The following ADAM28 variants were observed in gnomAD, a reference collection of about 807,000 sequenced individuals.
ADAM28 encodes the protein disintegrin and metalloproteinase domain-containing protein 28.
A neutral mutation model predicts 101.2 loss-of-function variants in ADAM28; 105 were observed. That is an observed-to-expected ratio of 1.04 (90% CI 0.89 to 1.22). The LOEUF (loss-of-function observed/expected upper bound fraction) is 1.22, where lower values mean the gene tolerates loss of function less well. Ranked by LOEUF, ADAM28 falls within the 50% of genes most tolerant of loss-of-function variation. The pLI, the probability that ADAM28 is intolerant of heterozygous loss-of-function variation, is 0.00. For missense variants in ADAM28, 1,028 were observed against 945.4 expected, an observed-to-expected ratio of 1.09 and a Z score of -1.15; for synonymous variants, 322 against 310.6, an observed-to-expected ratio of 1.04 and a Z score of -0.39.
At chr8:24,350,775 G>A (rs1306496155) in intron 19 of ADAM28, among the ~76,000 whole-genome samples, 1 of 152,098 alleles carries the variant, frequency 6.6e-6, no homozygotes, top group Non-Finnish European at 1.5e-5. Flanking sequence ...AACAAGCTCA[G>A]AGAGATTATT....
At chr8:24,328,358 T>C (rs1812901338) in intron 10 of ADAM28, among the ~76,000 whole-genome samples, 1 of 151,954 alleles carries the variant, frequency 6.6e-6, no homozygotes, top group Admixed American at 6.6e-5. Context: ...GTAAGAATAA[T>C]GTTCTTTCCA....
intron 8 of ADAM28, among the ~76,000 whole-genome samples, chr8:24,321,751 C>G (rs1811911256): frequency 6.6e-6 from 1 of 151,976 alleles, no homozygotes; most frequent in African/African-American, 2.4e-5. Flanking sequence ...AAACAAAGAA[C>G]TTACCCAAGA....
Position 24,354,627 on chromosome 8 carries a change from C to A in ADAM28, c.*223C>A. On this transcript the variant is annotated 3_prime_UTR_variant, in exon 23 of 23. Coordinates refer to ENST00000265769, the MANE Select transcript of ADAM28 (RefSeq NM_014265.6). Reference sequence around the variant, plus strand: ...GAATTTAAAATTTCAATTATCCATTCTTATAAGAAGGAAGATGATTGTAAA... The same window carrying A: ...GAATTTAAAATTTCAATTATCCATTATTATAAGAAGGAAGATGATTGTAAA... The A allele has an allele frequency of 2.4e-6, 1 of 411,726 alleles. No individual in the cohort carries two copies. The highest frequency in any genetic ancestry group is 4.4e-6 in the Non-Finnish European group (1 of 227,982). 25.5% of individuals were successfully genotyped at this position (411,726 alleles called of 1,614,324 possible). A position where few individuals can be genotyped will look rare whatever the true frequency, so the allele number is the denominator to read the frequency against.
chr8:24,351,900 C>A, intron 20 of ADAM28, 87 bp from the exon 21 acceptor site: 2 of 1,345,596 alleles, frequency 1.5e-6, no homozygotes, highest in Non-Finnish European at 2.1e-6. Flanking sequence ...AGCTTCCATG[C>A]CTTGAAAAGT....
chr8:24,347,717 G>A (rs1431616884), intron 18 of ADAM28, among the ~76,000 whole-genome samples: 2 of 151,950 alleles, frequency 1.3e-5, no homozygotes, highest in African/African-American at 4.8e-5. Context: ...CAAGTTTAGA[G>A]TGTTGCTTCT....
rs577677664 is a variant in ADAM28 at position 24,351,090 on chromosome 8, T to G, written c.2100-142T>G. 1.2e-4 allele frequency: 68 copies of G among 556,344 alleles called. 1 individual carries two copies. The East Asian group carries it at 2.2e-3, about 18-fold the overall frequency. 34.5% of individuals were successfully genotyped at this position (556,344 alleles called of 1,614,324 possible). Reference sequence around the variant, plus strand: ...AAGAGGCTGACGGGGAAGTAAAAACTGACCCAGGGAGCAGATAAAAACCCA... The same window carrying G: ...AAGAGGCTGACGGGGAAGTAAAAACGGACCCAGGGAGCAGATAAAAACCCA... On this transcript the variant is annotated intron_variant, in intron 19 of 22. Coordinates refer to ENST00000265769, the MANE Select transcript of ADAM28 (RefSeq NM_014265.6).
rs1815862693 is a variant in ADAM28, at chr8:24,349,898, G to A, written c.2025G>A (p.Met675Ile). ...TTGTGGTTGGGGTGCTGTTCCCAAT[G>A]GCGGTCATTTTTGTGGTGGTTGCTA... The part of the protein sequence containing the change: ...FSIVVGVLFP[M>I]AVIFVVVAMV... Residue 675 changes from methionine (M) to isoleucine (I), a missense_variant, in exon 19 of 23, where the codon ATG (methionine) becomes ATA (isoleucine). Met to Ile is a conservative substitution (Grantham distance 10, BLOSUM62 1). Transcript: ENST00000265769. The A allele has an allele frequency of 1.2e-6, 2 of 1,613,566 alleles. No individual in the cohort carries two copies. Among genetic ancestry groups the A allele is most frequent in the East Asian group, 2.2e-5 (1 of 44,830 alleles).
chr8:24,353,956 G>A (rs1816480202), intron 22 of ADAM28, 124 bp downstream of exon 22: 4 of 590,066 alleles, frequency 6.8e-6, no homozygotes, highest in Non-Finnish European at 1.2e-5. Flanking sequence ...TTTGGAGATG[G>A]GTGCCAACAT....
At chr8:24,312,065 G>GCT (rs1810533912) in intron 5 of ADAM28, among the ~76,000 whole-genome samples, 1 of 151,974 alleles carries the variant, frequency 6.6e-6, no homozygotes, top group East Asian at 1.9e-4. Flanking sequence ...GCTCTCACTC[G>GCT]CTCTCTCTCT....
intron 18 of ADAM28, among the ~76,000 whole-genome samples, chr8:24,347,761 G>T (rs907754411): frequency 6.6e-6 from 1 of 151,978 alleles, no homozygotes. Flanking sequence ...ATGATGAAAT[G>T]GTGCTGTGTC....
intron 10 of ADAM28, among the ~76,000 whole-genome samples, chr8:24,328,707 C>A (rs917329294): frequency 1.3e-5 from 2 of 152,034 alleles, no homozygotes; most frequent in African/African-American, 2.4e-5. Flanking sequence ...GCAGGTGGAT[C>A]ACCTGAGGTC....
intron 5 of ADAM28, 87 bp downstream of exon 5, chr8:24,311,524 T>A: frequency 9.9e-7 from 1 of 1,006,942 alleles, no homozygotes; most frequent in Non-Finnish European, 1.5e-6. Flanking sequence ...CAAATATCAT[T>A]AATTTTTATA....
At chr8:24,335,937 A>G in intron 14 of ADAM28, 1 of 1,108,058 alleles carries the variant, frequency 9.0e-7, no homozygotes, top group South Asian at 4.3e-5. Flanking sequence ...CTCATACTAA[A>G]ATTATTTGTG....
At chr8:24,333,812 G>A (rs1813672750) in intron 13 of ADAM28, among the ~76,000 whole-genome samples, 1 of 152,120 alleles carries the variant, frequency 6.6e-6, no homozygotes, top group South Asian at 2.1e-4. Flanking sequence ...TGTCCTTCAA[G>A]TTTAGTATTT....
Position 24,349,862 on chromosome 8 carries a change from A to C in ADAM28, c.1991-2A>C. The C allele has an allele frequency of 6.2e-7, 1 of 1,613,454 alleles. No individual in the cohort carries two copies. Among genetic ancestry groups the C allele is most frequent in the Non-Finnish European group, 8.5e-7 (1 of 1,179,592 alleles). ...TCAGCGGGCCCCTGTTCTCTGCTGC[A>C]GACTTCTCCATTGTGGTTGGGGTGC... On this transcript the variant is annotated splice_acceptor_variant, in intron 18 of 22. Transcript: ENST00000265769. LOFTEE classifies it high-confidence loss of function.
intron 14 of ADAM28, chr8:24,336,037 C>CGG: frequency 2.1e-6 from 2 of 956,374 alleles, no homozygotes; most frequent in Non-Finnish European, 2.5e-6. Flanking sequence ...TGTGTGTGTG[C>CGG]GGGTGTGTGT....
chr8:24,315,916 C>T (rs376828343), intron 6 of ADAM28, among the ~76,000 whole-genome samples: 1 of 151,848 alleles, frequency 6.6e-6, no homozygotes, highest in Non-Finnish European at 1.5e-5. Flanking sequence ...AATACATGAT[C>T]ATATCAATTG....
chr8:24,331,269 C>T lies in ADAM28; in HGVS notation c.1223C>T (p.Pro408Leu). Reference protein sequence around the residue: ...APLPTDIISTPICGNQLVEMG... With the variant: ...APLPTDIISTLICGNQLVEMG... ...TTGCCTACAGATATCATATCCACTC[C>T]AATTTGTGGGAACCAGTTGGTGGAA... The change falls in exon 12 of 23, where the codon CCA (proline) becomes CTA (leucine). Residue 408 changes from proline (P) to leucine (L), a missense_variant. By Grantham distance (98) the Pro-to-Leu change is moderately conservative (BLOSUM62 -3). Coordinates refer to ENST00000265769, the MANE Select transcript of ADAM28 (RefSeq NM_014265.6). The T allele has an allele frequency of 6.2e-7, 1 of 1,612,642 alleles. No individual in the cohort carries two copies. Among genetic ancestry groups the T allele is most frequent in the Non-Finnish European group, 8.5e-7 (1 of 1,179,292 alleles).
intron 11 of ADAM28, among the ~76,000 whole-genome samples, chr8:24,330,591 T>C (rs893067389): frequency 1.3e-5 from 2 of 152,198 alleles, no homozygotes; most frequent in Non-Finnish European, 2.9e-5. Context: ...TCCTCTTTTC[T>C]ATACATACAG....
Sources: gnomAD v4.1 joint callset for allele counts (sites outside exome capture counted in the v4.1 genomes callset) on GRCh38, gnomAD v4.1.1 for gene constraint, MANE v1.5 for transcripts, NCBI Gene and HGNC (gene_info 2026-07-23, HGNC 2026-07-21) for gene names.